ATP11A: variants seen among roughly 807,000 people sequenced by gnomAD.
ATP11A encodes ATPase phospholipid transporting 11A, also known as phospholipid-transporting ATPase IH.
In ATP11A, 81 loss-of-function variants were observed where a neutral mutation model predicts 154.4. That is an observed-to-expected ratio of 0.52 (90% CI 0.44 to 0.63). The LOEUF (loss-of-function observed/expected upper bound fraction) is 0.63. ATP11A is among the 30% of genes least tolerant of loss of function. The probability of loss-of-function intolerance (pLI) is 0.00; values close to 1 mark genes in which losing one functional copy is unlikely to be tolerated. For synonymous variants in ATP11A, 623 were observed against 585.9 expected, an observed-to-expected ratio of 1.06 and a Z score of -0.91; for missense variants, 1,316 against 1,474.3, an observed-to-expected ratio of 0.89 and a Z score of 1.76.
chr13:112,698,206 C>CGAGGACCGT (rs1886103290), intron 1 of ATP11A, among the ~76,000 whole-genome samples: 1 of 152,074 alleles, frequency 6.6e-6, no homozygotes, highest in Non-Finnish European at 1.5e-5. Context: ...GCTGGTTTCC[C>CGAGGACCGT]GAGGACCGCT....
intron 1 of ATP11A, among the ~76,000 whole-genome samples, chr13:112,718,393 G>A (rs917359435): frequency 1.3e-5 from 2 of 152,192 alleles, no homozygotes; most frequent in Non-Finnish European, 2.9e-5. Context: ...AGTGTTTCCA[G>A]TTAAATTTAC....
At chr13:112,787,492 G>A (rs1372662366) in intron 2 of ATP11A, among the ~76,000 whole-genome samples, 4 of 101,286 alleles carry the variant, frequency 3.9e-5, no homozygotes, top group Admixed American at 9.1e-5. Context: ...ATTCACACCG[G>A]GTGTCCTGAT....
intron 29 of ATP11A, 63 bp from the exon 30 acceptor site, chr13:112,881,813 C>G (rs779526162): frequency 7.3e-6 from 10 of 1,367,180 alleles, no homozygotes; most frequent in Non-Finnish European, 9.8e-6. Context: ...GTTCTCTCAG[C>G]AGAATGGGTG....
At chr13:112,751,953 A>G (rs1433044536) in intron 1 of ATP11A, among the ~76,000 whole-genome samples, 2 of 152,152 alleles carry the variant, frequency 1.3e-5, no homozygotes, top group African/African-American at 4.8e-5. Flanking sequence ...ACAAATATAT[A>G]TGTCATTGCA....
At chr13:112,824,956 G>A (rs1239329186) in intron 10 of ATP11A, among the ~76,000 whole-genome samples, 2 of 152,184 alleles carry the variant, frequency 1.3e-5, no homozygotes, top group Non-Finnish European at 2.9e-5. Context: ...TGCTTTTCCT[G>A]TACTGAGGAC....
intron 1 of ATP11A, among the ~76,000 whole-genome samples, chr13:112,695,329 A>G (rs1007084173): frequency 6.6e-6 from 1 of 152,246 alleles, no homozygotes; most frequent in Non-Finnish European, 1.5e-5. Flanking sequence ...GTTCATAATG[A>G]ACAAATGTTT....
At chr13:112,720,661 G>A (rs991536890) in intron 1 of ATP11A, among the ~76,000 whole-genome samples, 3 of 152,102 alleles carry the variant, frequency 2.0e-5, no homozygotes, top group African/African-American at 2.4e-5. Context: ...AGGTTCAAGC[G>A]ATTCTCCTGC....
In ATP11A at chr13:112,882,801, G is replaced by A. The variant is rs769852948; in HGVS notation, c.*935G>A. The A allele has an allele frequency of 1.5e-5, 6 of 399,268 alleles. No homozygotes were observed. The highest frequency in any genetic ancestry group is 3.6e-5 in the East Asian group (1 of 28,082). The allele number at this position is 399,268 out of a possible 1,614,324, so 24.7% of individuals were successfully genotyped here. On this transcript the variant is annotated 3_prime_UTR_variant, in exon 30 of 30. Coordinates refer to ENST00000375645, the MANE Select transcript of ATP11A (RefSeq NM_015205.3). The surrounding 1 kb of genome is among the most constrained non-coding windows in gnomAD (Gnocchi z 5.1). ...TGTTGATTTCGCGGGTGCGAGGGCC[G>A]GGAGACAGATACTTGGCTGTGATGA...
chr13:112,874,732 C>G (rs1765768), intron 27 of ATP11A, among the ~76,000 whole-genome samples: 140,498 of 152,174 alleles, frequency 0.92, 65,540 homozygotes, highest in Non-Finnish European at 0.99. Context: ...TCAGAGATGA[C>G]AGCCCAGCTT....
chr13:112,771,185 A>G (rs1457187618), intron 1 of ATP11A, among the ~76,000 whole-genome samples: 1 of 152,188 alleles, frequency 6.6e-6, no homozygotes, highest in Admixed American at 6.5e-5. Flanking sequence ...CCAGGCCCTA[A>G]CAGAGTTCAT....
rs1264133559 is a variant in ATP11A, at chr13:112,734,120, T to C, written c.39+43665T>C. Among the ~76,000 whole-genome samples the C allele has an allele frequency of 3.3e-5, 5 of 152,164 alleles. No individual in the cohort carries two copies. The East Asian group carries it at 7.7e-4, about 23-fold the overall frequency. On this transcript the variant is annotated intron_variant, in intron 1 of 29. Coordinates refer to ENST00000375645, the MANE Select transcript of ATP11A (RefSeq NM_015205.3). ...AGTGAGCCACCAGGAGAGTGAGTGC[T>C]CCTGGGCTTCACTAACTGTGCTGCT...
intron 1 of ATP11A, among the ~76,000 whole-genome samples, chr13:112,770,756 G>A (rs547248626): frequency 1.3e-5 from 2 of 152,338 alleles, no homozygotes; most frequent in East Asian, 1.9e-4. Context: ...GGCTCCACGC[G>A]CCGCTTCCCT....
At chr13:112,836,130 A>T in intron 15 of ATP11A, 48 bp from the exon 16 acceptor site, 1 of 1,386,658 alleles carries the variant, frequency 7.2e-7, no homozygotes, top group Non-Finnish European at 1.0e-6. Flanking sequence ...AGATGGAATC[A>T]CGTGAGCACC....
At chr13:112,823,098 C>T (rs769533978) in intron 8 of ATP11A, among the ~76,000 whole-genome samples, 6 of 152,322 alleles carry the variant, frequency 3.9e-5, no homozygotes, top group African/African-American at 7.2e-5. Flanking sequence ...GTCCCGCATG[C>T]GCCAATGGGA....
chr13:112,705,442 T>C (rs1452334891), intron 1 of ATP11A, among the ~76,000 whole-genome samples: 1 of 136,948 alleles, frequency 7.3e-6, no homozygotes, highest in Non-Finnish European at 1.5e-5. Context: ...CTGAAGATTC[T>C]GTGGGGAGCA....
chr13:112,788,990 C>G (rs972918398), intron 2 of ATP11A, among the ~76,000 whole-genome samples: 4 of 151,780 alleles, frequency 2.6e-5, no homozygotes, highest in Non-Finnish European at 5.9e-5. Context: ...CCTATGTAGA[C>G]ATACTTAATT....
intron 1 of ATP11A, among the ~76,000 whole-genome samples, chr13:112,755,130 T>C (rs2076788313): frequency 6.6e-6 from 1 of 151,732 alleles, no homozygotes; most frequent in South Asian, 2.1e-4. Context: ...CATTTTCACG[T>C]GTCCCCAAAC....
At chr13:112,836,315 C>G in intron 16 of ATP11A, 64 bp downstream of exon 16, 1 of 961,394 alleles carries the variant, frequency 1.0e-6, no homozygotes, top group Non-Finnish European at 1.6e-6. Context: ...ATTCTGATGA[C>G]TAAATTCTAC....
At chr13:112,780,870 C>T (rs1394227757) in intron 1 of ATP11A, among the ~76,000 whole-genome samples, 1 of 152,088 alleles carries the variant, frequency 6.6e-6, no homozygotes, top group African/African-American at 2.4e-5. Context: ...GGTTCTGCTG[C>T]GAGGAGTTGC....
Sources: gnomAD v4.1 joint callset for allele counts (sites outside exome capture counted in the v4.1 genomes callset) on GRCh38, gnomAD v4.1.1 for gene constraint, Gnocchi (gnomAD v3.1) non-coding constraint, MANE v1.5 for transcripts, NCBI Gene and HGNC (gene_info 2026-07-23, HGNC 2026-07-21) for gene names.